Variants in ASIC2 observed in about 807,000 individuals in gnomAD.
ASIC2 encodes the protein acid sensing ion channel subunit 2, also known as acid-sensing ion channel 2.
A neutral mutation model predicts 57.3 loss-of-function variants in ASIC2; 25 were observed. The observed-to-expected ratio is 0.44, with a 90% CI of 0.32 to 0.61. ASIC2 has a LOEUF of 0.61. ASIC2 is among the 20% of genes least tolerant of loss of function. The probability of loss-of-function intolerance (pLI) is 0.06; values close to 1 mark genes in which losing one functional copy is unlikely to be tolerated. For missense variants in ASIC2, 641 were observed against 738.1 expected (o/e 0.87, Z 1.52); for synonymous variants, 319 against 307.5 (o/e 1.04, Z -0.39).
At chr17:33,447,606 G>C (rs1007456553) in intron 1 of ASIC2, among the ~76,000 whole-genome samples, 1 of 152,170 alleles carries the variant, frequency 6.6e-6, no homozygotes, top group Non-Finnish European at 1.5e-5. Flanking sequence ...GTCAGGCCTA[G>C]AACACTGGGT....
intron 1 of ASIC2, among the ~76,000 whole-genome samples, chr17:33,911,615 G>A (rs1915463445): frequency 6.6e-6 from 1 of 152,156 alleles, no homozygotes; most frequent in African/African-American, 2.4e-5. Flanking sequence ...ATAGGAGACT[G>A]TGTACCCAGC....
At chr17:33,799,423 CTTTCTTCT>C (rs1374858103) in intron 1 of ASIC2, among the ~76,000 whole-genome samples, 46 of 66,740 alleles carry the variant, frequency 6.9e-4, no homozygotes, top group Middle Eastern at 5.2e-3. Flanking sequence ...TTCTTTCTTT[CTTTCTTCT>C]TTCTTTCTTT....
chr17:34,057,551 A>T (rs1415036663), intron 1 of ASIC2, among the ~76,000 whole-genome samples: 1 of 152,164 alleles, frequency 6.6e-6, no homozygotes, highest in Admixed American at 6.5e-5. Context: ...TCAGATATGT[A>T]TTTTAGAAAG....
At chr17:33,842,058 T>C (rs928824262) in intron 1 of ASIC2, among the ~76,000 whole-genome samples, 1 of 152,122 alleles carries the variant, frequency 6.6e-6, no homozygotes, top group Admixed American at 6.5e-5. Context: ...GGACAACATA[T>C]CTGCCTTATA....
chr17:33,060,226 C>A (rs139184550), intron 3 of ASIC2, among the ~76,000 whole-genome samples: 1 of 152,032 alleles, frequency 6.6e-6, no homozygotes, highest in Non-Finnish European at 1.5e-5. Context: ...TTAGACATGA[C>A]GTCCTTGCCC....
rs116291015 is a variant in ASIC2 at position 33,432,111 on chromosome 17, G to A, written c.556-320044C>T. ...CTTGAACAACATGAGGTTGAGCTGC[G>A]TGGGTCCAGTAATACGTAGATTTTC... On this transcript the variant is annotated intron_variant, in intron 1 of 9. Coordinates refer to the ASIC2 transcript ENST00000359872. 1.3e-3 allele frequency among the ~76,000 whole-genome samples: 205 copies of A among 152,266 alleles called. 1 individual carries two copies. The highest frequency in any genetic ancestry group is 2.7e-3 in the Non-Finnish European group (183 of 68,026).
intron 1 of ASIC2, among the ~76,000 whole-genome samples, chr17:33,428,424 G>A (rs1911290812): frequency 6.6e-6 from 1 of 152,160 alleles, no homozygotes; most frequent in Non-Finnish European, 1.5e-5. Context: ...TAGGTATAGG[G>A]TATTGCCTCA....
chr17:34,069,014 C>T (rs1178444743), intron 1 of ASIC2, among the ~76,000 whole-genome samples: 1 of 152,186 alleles, frequency 6.6e-6, no homozygotes, highest in Non-Finnish European at 1.5e-5. Flanking sequence ...GAAAGGAAGA[C>T]CACGATGTGC....
intron 1 of ASIC2, among the ~76,000 whole-genome samples, chr17:33,526,694 C>T (rs1914894305): frequency 6.7e-6 from 1 of 149,390 alleles, no homozygotes; most frequent in Non-Finnish European, 1.5e-5. Flanking sequence ...TCTGGGCAGG[C>T]TATGAGACCC....
rs181874194 is a variant in ASIC2, at chr17:33,995,886, G to T, written c.555+160092C>A. ...TGGATATATATCCAGAAGTAGGATT[G>T]CTGGATCAAAAGAGTTAATCTTTTA... On this transcript the variant is annotated intron_variant, in intron 1 of 9. Transcript: ENST00000359872. Among the ~76,000 whole-genome samples the T allele has an allele frequency of 1.0e-3, 158 of 152,272 alleles. 4 individuals carry two copies. The highest frequency in any genetic ancestry group is 9.2e-3 in the Admixed American group (141 of 15,296).
chr17:33,821,230 G>C (rs1912737773), intron 1 of ASIC2, among the ~76,000 whole-genome samples: 1 of 152,174 alleles, frequency 6.6e-6, no homozygotes, highest in African/African-American at 2.4e-5. Flanking sequence ...TACTGAATGT[G>C]TTTCTATTCT....
chr17:33,529,608 A>G (rs941419501), intron 1 of ASIC2, among the ~76,000 whole-genome samples: 1 of 152,202 alleles, frequency 6.6e-6, no homozygotes, highest in African/African-American at 2.4e-5. Context: ...ACATTACTCA[A>G]CTTCCCTGAA....
chr17:33,672,708 A>ATC (rs1567685200), intron 1 of ASIC2, among the ~76,000 whole-genome samples: 1 of 152,198 alleles, frequency 6.6e-6, no homozygotes, highest in Non-Finnish European at 1.5e-5. Context: ...GAACTGCTAC[A>ATC]TCTTTTAATA....
chr17:33,390,150 T>G (rs968118990), intron 1 of ASIC2, among the ~76,000 whole-genome samples: 1 of 152,014 alleles, frequency 6.6e-6, no homozygotes, highest in Admixed American at 6.6e-5. Context: ...CTGTCTCTAC[T>G]AAAAAGACAA....
At chr17:33,655,385 G>C (rs1207733330) in intron 1 of ASIC2, among the ~76,000 whole-genome samples, 1 of 152,156 alleles carries the variant, frequency 6.6e-6, no homozygotes, top group African/African-American at 2.4e-5. Flanking sequence ...GTCTGTCTGG[G>C]CTATTGCTCT....
chr17:33,070,625 C>A (rs963239790), intron 3 of ASIC2, among the ~76,000 whole-genome samples: 6 of 152,126 alleles, frequency 3.9e-5, no homozygotes, highest in African/African-American at 1.2e-4. Context: ...TGTGAGCCAC[C>A]ACGCCCAGCC....
chr17:33,587,986 C>G lies in ASIC2; in HGVS notation c.556-475919G>C, dbSNP rs192158851. 2.0e-5 allele frequency among the ~76,000 whole-genome samples: 3 copies of G among 152,256 alleles called. No homozygotes were observed. The East Asian group carries it at 5.8e-4, about 29-fold the overall frequency. On this transcript the variant is annotated intron_variant, in intron 1 of 9. Transcript: ENST00000359872. ...GATTCAGATTTTCCTAAGAGGACAGCCTGGCCTCATTATAAAGATTTAGGA... is the reference window on the plus strand; with the variant it reads ...GATTCAGATTTTCCTAAGAGGACAGGCTGGCCTCATTATAAAGATTTAGGA...
At chr17:33,147,089 A>C (rs781057407) in intron 1 of ASIC2, among the ~76,000 whole-genome samples, 1 of 152,226 alleles carries the variant, frequency 6.6e-6, no homozygotes, top group South Asian at 2.1e-4. Flanking sequence ...CTTAATAACT[A>C]TCAAGTCTGG....
chr17:33,872,110 G>A (rs1914429777), intron 1 of ASIC2, among the ~76,000 whole-genome samples: 1 of 152,170 alleles, frequency 6.6e-6, no homozygotes, highest in Non-Finnish European at 1.5e-5. Context: ...TCAGCCAGGA[G>A]GGCATTAGGA....
Sources: gnomAD v4.1 joint callset for allele counts (sites outside exome capture counted in the v4.1 genomes callset) on GRCh38, gnomAD v4.1.1 for gene constraint, MANE v1.5 for transcripts, NCBI Gene and HGNC (gene_info 2026-07-23, HGNC 2026-07-21) for gene names.